RYK: variants seen among roughly 807,000 people sequenced by gnomAD.
RYK encodes the protein receptor like tyrosine kinase, also known as inactive tyrosine-protein kinase RYK.
A neutral mutation model predicts 70.2 loss-of-function variants in RYK; 21 were observed. That is an observed-to-expected ratio of 0.30 (90% CI 0.21 to 0.43). The LOEUF (loss-of-function observed/expected upper bound fraction) is 0.43, where lower values mean the gene tolerates loss of function less well. Ranked by LOEUF, RYK falls within the 20% of genes least tolerant of loss-of-function variation. The probability of loss-of-function intolerance (pLI) is 1.00; values close to 1 mark genes in which losing one functional copy is unlikely to be tolerated. For missense variants in RYK, 604 were observed against 753.3 expected (o/e 0.80, Z 2.32); for synonymous variants, 267 against 278.0 (o/e 0.96, Z 0.39).
At chr3:134,211,746 A>G (rs2014404187) in intron 2 of RYK, 139 bp from the exon 3 acceptor site, 1 of 625,550 alleles carries the variant, frequency 1.6e-6, no homozygotes, top group South Asian at 2.0e-5. Context: ...AAAAATGCAA[A>G]TTGTCAGAAA....
At chr3:134,195,220 G>T (rs1438515206) in intron 6 of RYK, 38 bp from the exon 7 acceptor site, 9 of 1,472,072 alleles carry the variant, frequency 6.1e-6, no homozygotes, top group Non-Finnish European at 7.6e-6. Context: ...TGACAAGTCA[G>T]TTTCAATGAG....
intron 2 of RYK, among the ~76,000 whole-genome samples, chr3:134,216,042 AAAAAG>A (rs1205570082): frequency 3.4e-4 from 52 of 151,828 alleles, no homozygotes; most frequent in African/African-American, 1.0e-3. Context: ...TCTCAAAAAA[AAAAAG>A]AAAAAGAAAA....
intron 1 of RYK, among the ~76,000 whole-genome samples, chr3:134,243,512 G>C (rs2015376304): frequency 6.6e-6 from 1 of 152,172 alleles, no homozygotes; most frequent in African/African-American, 2.4e-5. Flanking sequence ...TCACCTGTAA[G>C]AGTTCAAATT....
intron 13 of RYK, among the ~76,000 whole-genome samples, chr3:134,169,652 T>C (rs2012822846): frequency 6.6e-6 from 1 of 152,186 alleles, no homozygotes; most frequent in Non-Finnish European, 1.5e-5. Context: ...AGCCCAGAGA[T>C]GCAATGTATT....
chr3:134,224,481 T>C (rs2014836090), intron 1 of RYK, among the ~76,000 whole-genome samples: 1 of 152,228 alleles, frequency 6.6e-6, no homozygotes, highest in Admixed American at 6.5e-5. Flanking sequence ...ACCAGGAACG[T>C]GATTGCTAAA....
intron 11 of RYK, among the ~76,000 whole-genome samples, chr3:134,176,537 G>A (rs978819863): frequency 1.3e-5 from 2 of 152,036 alleles, no homozygotes; most frequent in Admixed American, 6.5e-5. Flanking sequence ...CCAGGAGTTC[G>A]AGACCAACCT....
intron 6 of RYK, among the ~76,000 whole-genome samples, chr3:134,197,226 A>G (rs1358178553): frequency 1.3e-5 from 2 of 152,174 alleles, no homozygotes; most frequent in Non-Finnish European, 2.9e-5. Context: ...GCTCAACGTT[A>G]TTACAGAATT....
intron 5 of RYK, among the ~76,000 whole-genome samples, chr3:134,205,965 C>A (rs2014201544): frequency 1.3e-5 from 2 of 152,144 alleles, no homozygotes; most frequent in Admixed American, 6.5e-5. Context: ...TGAGAGGCAG[C>A]AAGGAAGACA....
chr3:134,236,644 G>A (rs2015206628), intron 1 of RYK, among the ~76,000 whole-genome samples: 1 of 152,128 alleles, frequency 6.6e-6, no homozygotes, highest in Non-Finnish European at 1.5e-5. Context: ...AACATAGTTG[G>A]AGGACTCACA....
chr3:134,177,623 G>A (rs960550945), intron 11 of RYK, among the ~76,000 whole-genome samples: 2 of 152,170 alleles, frequency 1.3e-5, no homozygotes, highest in Admixed American at 1.3e-4. Flanking sequence ...ATTCCTAAGA[G>A]GAAGATCTAG....
intron 14 of RYK, 58 bp downstream of exon 14, chr3:134,159,179 T>C: frequency 6.4e-7 from 1 of 1,572,834 alleles, no homozygotes; most frequent in South Asian, 1.1e-5. Context: ...CTCTTTTTCC[T>C]TTATTCCAAT....
chr3:134,207,533 T>A lies in RYK; in HGVS notation c.590-8A>T. On this transcript the variant is annotated splice_polypyrimidine_tract_variant and splice_region_variant and intron_variant, in intron 4 of 14. Coordinates refer to ENST00000623711, the MANE Select transcript of RYK (RefSeq NM_002958.4). ...TTTTTACTTCTTCAAGTTCTGAATT[T>A]AAAGGAGAAAAATGATGCTTTAGAA... The A allele has an allele frequency of 6.6e-7, 1 of 1,522,350 alleles. No homozygotes were observed. Among genetic ancestry groups the A allele is most frequent in the Non-Finnish European group, 8.9e-7 (1 of 1,126,884 alleles). The allele number at this position is 1,522,350 out of a possible 1,614,324, so 94.3% of individuals were successfully genotyped here. A position where few individuals can be genotyped will look rare whatever the true frequency, so the allele number is the denominator to read the frequency against.
intron 1 of RYK, among the ~76,000 whole-genome samples, chr3:134,225,923 T>C (rs558130979): frequency 4.0e-5 from 6 of 151,136 alleles, no homozygotes; most frequent in African/African-American, 1.5e-4. Flanking sequence ...CATAGATGAT[T>C]TGAACATATA....
At chr3:134,159,119 A>G in intron 14 of RYK, 118 bp downstream of exon 14, 2 of 1,091,292 alleles carry the variant, frequency 1.8e-6, no homozygotes, top group Non-Finnish European at 2.7e-6. Context: ...TTTAAATCCA[A>G]AGAGTCATTA....
At chr3:134,245,141 G>A (rs2015430886) in intron 1 of RYK, among the ~76,000 whole-genome samples, 1 of 152,136 alleles carries the variant, frequency 6.6e-6, no homozygotes. Flanking sequence ...GGAAATGACA[G>A]TACATAACAC....
chr3:134,201,962 C>T (rs1020621896), intron 6 of RYK, among the ~76,000 whole-genome samples: 8 of 152,154 alleles, frequency 5.3e-5, no homozygotes, highest in Non-Finnish European at 7.4e-5. Context: ...TAATGTCCTC[C>T]TTGTCATCTC....
At chr3:134,241,464 TAAGA>T (rs1003684530) in intron 1 of RYK, among the ~76,000 whole-genome samples, 2 of 152,126 alleles carry the variant, frequency 1.3e-5, no homozygotes, top group African/African-American at 2.4e-5. Context: ...TTTGTGCCAC[TAAGA>T]AAGAAAAAAG....
At chr3:134,175,343 T>TAAA (rs75907041) in intron 13 of RYK, among the ~76,000 whole-genome samples, 1 of 128,908 alleles carries the variant, frequency 7.8e-6, no homozygotes, top group African/African-American at 2.9e-5. Flanking sequence ...AACTCTGTCT[T>TAAA]AAAAAAAAAA....
chr3:134,217,895 TG>T (rs1239854905), intron 2 of RYK, among the ~76,000 whole-genome samples: 8 of 152,234 alleles, frequency 5.3e-5, no homozygotes, highest in African/African-American at 1.9e-4. Context: ...CGTAATCAAC[TG>T]TGCTAAAATC....
Sources: gnomAD v4.1 joint callset for allele counts (sites outside exome capture counted in the v4.1 genomes callset) on GRCh38, gnomAD v4.1.1 for gene constraint, MANE v1.5 for transcripts, NCBI Gene and HGNC (gene_info 2026-07-23, HGNC 2026-07-21) for gene names.